Variants in TTN observed in about 807,000 individuals in gnomAD.
TTN encodes the protein connectin.
Under a neutral mutation model 3,223.0 loss-of-function variants are expected in TTN, and 1,525 were observed. The ratio of observed to expected loss-of-function variants is 0.47; its 90% CI spans 0.45 to 0.49. TTN has a LOEUF of 0.49. TTN is among the 20% of genes least tolerant of loss of function. The pLI, the probability that TTN is intolerant of heterozygous loss-of-function variation, is 0.00. For synonymous variants in TTN, 14,094 were observed against 15,161.0 expected, an observed-to-expected ratio of 0.93 and a Z score of 5.17; for missense variants, 40,786 against 43,424.0, an observed-to-expected ratio of 0.94 and a Z score of 5.40.
chr2:178,550,383 T>TA (rs1482814412), intron 336 of TTN, 110 bp from the exon 337 acceptor site: 2 of 870,336 alleles, frequency 2.3e-6, no homozygotes, highest in Admixed American at 6.0e-5. Flanking sequence ...TAGTGACTTC[T>TA]ACTGTGCTAC....
At chr2:178,766,736 G>A (rs1024528905) in intron 40 of TTN, 124 bp from the exon 41 acceptor site, 2 of 749,318 alleles carry the variant, frequency 2.7e-6, no homozygotes, top group Non-Finnish European at 4.5e-6. Context: ...ATATTATAAT[G>A]TAATAAGTTG....
At chr2:178,789,231 G>C in intron 13 of TTN, 129 bp downstream of exon 13, 1 of 1,255,194 alleles carries the variant, frequency 8.0e-7, no homozygotes, top group South Asian at 1.4e-5. Flanking sequence ...AATAAATTTG[G>C]TTAATAGTGA....
rs1015347361 is a variant in TTN, at chr2:178,558,851, A to C, written c.86822-214T>G. On this transcript the variant is annotated intron_variant, in intron 326 of 362. Transcript: ENST00000589042. ...TGCTATAGCATTCAAATCCAAATTA[A>C]GGGTAAAATGACCAGATTAAATGAT... is the stretch of plus-strand genomic sequence containing the variant. 7.4e-6 allele frequency: 4 copies of C among 538,016 alleles called. No homozygotes were observed. The Admixed American group carries it at 1.2e-4, about 16-fold the overall frequency. 33.3% of individuals were successfully genotyped at this position (538,016 alleles called of 1,614,324 possible).
Position 178,547,738 on chromosome 2 carries a change from A to G in TTN, c.93888T>C (p.Val31296=), listed in dbSNP as rs2154146889. The change falls in exon 339 of 363, where the codon GTT becomes GTC. Residue 31296 remains valine, a synonymous_variant. Transcript: ENST00000589042. ...CCACAACTGTGACGCTAAATGTTTT[A>G]ACACCAGCTGTATTTTCCAGGGTCA... ...YFLTLENTAG[V]KTFSVTVVVI... The G allele has an allele frequency of 6.2e-7, 1 of 1,613,888 alleles. No individual in the cohort carries two copies. The highest frequency in any genetic ancestry group is 1.6e-4 in the Middle Eastern group (1 of 6,062).
rs879248826 is a variant in TTN, at chr2:178,730,665, G to A, written c.17868C>T (p.Asp5956=). The change falls in exon 61 of 363, where the codon GAC becomes GAT. Residue 5956 remains aspartate, a synonymous_variant. Coordinates refer to ENST00000589042, the MANE Select transcript of TTN (RefSeq NM_001267550.2). The part of the protein sequence containing the change: ...HPISIQWFKD[D]QEISASEKYK... ...ACTTTTCACTAGCTGATATTTCTTG[G>A]TCATCTTTGAACCACTGGATGCTTA... 6.2e-7 allele frequency: 1 copy of A among 1,613,600 alleles called. No individual in the cohort carries two copies. Among genetic ancestry groups the A allele is most frequent in the Non-Finnish European group, 8.5e-7 (1 of 1,179,694 alleles).
rs2154184993 is a variant in TTN at position 178,591,491 on chromosome 2, C to A, written c.60234G>T (p.Val20078=). 1 of 1,586,424 alleles carries A rather than the reference C, an allele frequency of 6.3e-7. No homozygotes were observed. The highest frequency in any genetic ancestry group is 8.5e-7 in the Non-Finnish European group (1 of 1,171,666). ...ECQEKLVPPS[V]ELDVKLIEGL... ...CTTCAATTAATTTCACATCTAGCTC[C>A]ACGGATGGAGGCACTGAAAAGTAAA... Residue 20078 remains valine, a synonymous_variant, in exon 304 of 363, where the codon GTG becomes GTT. Coordinates refer to ENST00000589042, the MANE Select transcript of TTN (RefSeq NM_001267550.2).
In TTN at chr2:178,774,940, A is replaced by G. The variant is rs1351771674; in HGVS notation, c.6771T>C (p.Thr2257=). 1.2e-6 allele frequency: 2 copies of G among 1,613,836 alleles called. No homozygotes were observed. Among genetic ancestry groups the G allele is most frequent in the Non-Finnish European group, 1.7e-6 (2 of 1,179,890 alleles). Residue 2257 remains threonine, a synonymous_variant, in exon 29 of 363, where the codon ACT becomes ACC. Coordinates refer to ENST00000589042, the MANE Select transcript of TTN (RefSeq NM_001267550.2). ...GAATACCTTCAACAATAAGTTTAGC[A>G]GTCGTTTTGACATTTTCATCTTCCA... The part of the protein sequence containing the change: ...VLVEDENVKT[T]AKLIVEGAVV...
rs1368158897 is a variant in TTN at position 178,776,015 on chromosome 2, T to C, written c.5849A>G (p.His1950Arg). ...CTGAAGCTTTCCTGGTTCATGTACGTGAAACTCAGGCCTTGGTTCAGGAGC... is the reference window on the plus strand; with the variant it reads ...CTGAAGCTTTCCTGGTTCATGTACGCGAAACTCAGGCCTTGGTTCAGGAGC... ...RRAPEPRPEF[H>R]VHEPGKLQFE... The change falls in exon 28 of 363, where the codon CAC becomes CGC. Residue 1950 changes from histidine to arginine, a missense_variant. Physicochemically the swap from His to Arg is conservative, Grantham distance 29. Coordinates refer to ENST00000589042, the MANE Select transcript of TTN (RefSeq NM_001267550.2). 1 of 1,614,178 alleles carries C rather than the reference T, an allele frequency of 6.2e-7. No homozygotes were observed. Among genetic ancestry groups the C allele is most frequent in the Admixed American group, 1.7e-5 (1 of 60,018 alleles).
chr2:178,590,577 T>C lies in TTN; in HGVS notation c.61148A>G (p.Lys20383Arg), dbSNP rs1168586982. The change falls in exon 304 of 363, where the codon AAG becomes AGG. Residue 20383 changes from lysine to arginine, a missense_variant. Transcript: ENST00000589042. ...GPPINPKLKD[K>R]SRETADLVWT... ...CACCAAATCAGCTGTTTCTCTGCTC[T>C]TGTCTTTCAGTTTAGGATTAATAGG... is the stretch of plus-strand genomic sequence containing the variant. 3 of 1,612,630 alleles carry C rather than the reference T, an allele frequency of 1.9e-6. No individual in the cohort carries two copies. Among genetic ancestry groups the C allele is most frequent in the Admixed American group, 3.3e-5 (2 of 59,882 alleles).
chr2:178,593,654 TC>T lies in TTN; in HGVS notation c.58645del (p.Asp19549IlefsTer14). ...TTCAGCATGTATCCGGAAAATATAA[TC>T]TTTTCCTTCAAGTAGTTTAGAAACT... ...CKVSKLLEGK[D>X]YIFRIHAENL... On this transcript the variant is annotated frameshift_variant, in exon 298 of 363. Transcript: ENST00000589042. LOFTEE classifies it high-confidence loss of function. 6.2e-7 allele frequency: 1 copy of T among 1,613,162 alleles called. No homozygotes were observed. The highest frequency in any genetic ancestry group is 8.5e-7 in the Non-Finnish European group (1 of 1,179,570).
At chr2:178,649,695 T>G in intron 211 of TTN, 64 bp from the exon 212 acceptor site, 1 of 1,541,658 alleles carries the variant, frequency 6.5e-7, no homozygotes, top group Non-Finnish European at 8.9e-7. Flanking sequence ...ACATACAAGT[T>G]TATTCAACAC....
intron 216 of TTN, 108 bp from the exon 217 acceptor site, chr2:178,646,138 ATATATATATG>A (rs2061954510): frequency 1.3e-5 from 2 of 158,788 alleles, no homozygotes; most frequent in Admixed American, 1.5e-4. Flanking sequence ...ATATATATAT[ATATATATATG>A]AAGTACAAAG....
chr2:178,608,221 C>G lies in TTN; in HGVS notation c.52662G>C (p.Lys17554Asn), dbSNP rs758615635. The change falls in exon 275 of 363, where the codon AAG (lysine) becomes AAC (asparagine). Residue 17554 changes from lysine (K) to asparagine (N), a missense_variant. Physicochemically the swap from Lys to Asn is moderately conservative, Grantham distance 94. Transcript: ENST00000589042. ...TTTTGGGATCTGAAGGTGGACTGAA[C>G]TTTCCAGGTCCAGCTGCATTTTCAG... ...VCAENAAGPG[K>N]FSPPSDPKTA... is the part of the protein sequence containing the mutation. 6.2e-7 allele frequency: 1 copy of G among 1,604,898 alleles called. No individual in the cohort carries two copies. The highest frequency in any genetic ancestry group is 1.1e-5 in the South Asian group (1 of 89,808).
chr2:178,681,455 A>C lies in TTN; in HGVS notation c.33173-5T>G. 1 of 1,601,854 alleles carries C rather than the reference A, an allele frequency of 6.2e-7. No homozygotes were observed. Among genetic ancestry groups the C allele is most frequent in the Non-Finnish European group, 8.5e-7 (1 of 1,175,856 alleles). On this transcript the variant is annotated splice_polypyrimidine_tract_variant and splice_region_variant and intron_variant, in intron 136 of 362. Transcript: ENST00000589042. ...CAGGGACAGCTTTCTTCAGCACTTC[A>C]AAATATCAATATTAAGAGATTTTAA...
intron 47 of TTN, chr2:178,746,069 C>G: frequency 6.2e-7 from 1 of 1,613,456 alleles, no homozygotes. Flanking sequence ...ATCAGAAAGA[C>G]AGACATTTCG....
Position 178,649,327 on chromosome 2 carries a change from A to C in TTN, c.39978T>G (p.Pro13326=). The C allele has an allele frequency of 1.4e-6, 2 of 1,456,550 alleles. No homozygotes were observed. Among genetic ancestry groups the C allele is most frequent in the Non-Finnish European group, 1.8e-6 (2 of 1,111,766 alleles). 90.2% of individuals were successfully genotyped at this position (1,456,550 alleles called of 1,614,324 possible). ...KKPETPAAKV[P]EVPKKLVPVK... ...CTGGAACAAGTTTCTTGGGCACCTC[A>C]GGCACTTTGAAGATATTAGTTTTGT... Residue 13326 remains proline, a synonymous_variant, in exon 213 of 363, where the codon CCT becomes CCG. Coordinates refer to ENST00000589042, the MANE Select transcript of TTN (RefSeq NM_001267550.2).
At chr2:178,586,829 G>C in intron 307 of TTN, 22 bp from the exon 308 acceptor site, 1 of 1,602,642 alleles carries the variant, frequency 6.2e-7, no homozygotes, top group Non-Finnish European at 8.5e-7. Flanking sequence ...ACATAATTTA[G>C]AAGATTACCT....
Position 178,735,580 on chromosome 2 carries a change from C to G in TTN, c.14866G>C (p.Gly4956Arg), listed in dbSNP as rs768749718. 9.9e-6 allele frequency: 16 copies of G among 1,612,966 alleles called. No homozygotes were observed. In the Admixed American group the frequency reaches 1.3e-4, roughly 13 times the overall value. ...EIPLAKLKDS[G>R]TYVCTASNEA... ...TTTGAAGCTGTACAGACATAGGTTC[C>G]TGAATCTTTCAGTTTGGCCAAAGGA... Residue 4956 changes from glycine (G) to arginine (R), a missense_variant, in exon 50 of 363, where the codon GGA (glycine) becomes CGA (arginine). Transcript: ENST00000589042.
intron 127 of TTN, 57 bp from the exon 128 acceptor site, chr2:178,685,655 T>C: frequency 1.3e-6 from 2 of 1,542,654 alleles, no homozygotes; most frequent in Non-Finnish European, 1.8e-6. Context: ...TGTTTATTTT[T>C]AGCTTTAATT....
Sources: allele counts gnomAD v4.1 joint callset, GRCh38; gene constraint gnomAD v4.1.1; transcripts MANE v1.5; gene names NCBI Gene and HGNC (gene_info 2026-07-23, HGNC 2026-07-21).